The following MCM6 variants were observed in gnomAD, a reference collection of about 807,000 sequenced individuals.
MCM6 encodes the protein minichromosome maintenance complex component 6, also known as DNA replication licensing factor MCM6.
Under a neutral mutation model 94.3 loss-of-function variants are expected in MCM6, and 46 were observed. The observed-to-expected ratio is 0.49, with a 90% CI of 0.39 to 0.62. The LOEUF (loss-of-function observed/expected upper bound fraction) is 0.62. MCM6 is among the 20% of genes least tolerant of loss of function. MCM6 has a pLI of 0.00. For synonymous variants in MCM6, 335 were observed against 351.9 expected, an observed-to-expected ratio of 0.95 and a Z score of 0.54; for missense variants, 865 against 1,017.9, an observed-to-expected ratio of 0.85 and a Z score of 2.04.
intron 8 of MCM6, among the ~76,000 whole-genome samples, chr2:135,861,862 C>T (rs1322844057): frequency 5.9e-5 from 9 of 152,144 alleles, no homozygotes; most frequent in Non-Finnish European, 1.2e-4. Context: ...ATGATCCGCC[C>T]GCCTTGATTT....
At chr2:135,851,673 G>A in intron 12 of MCM6, 110 bp from the exon 13 acceptor site, 2 of 899,912 alleles carry the variant, frequency 2.2e-6, no homozygotes, top group Middle Eastern at 2.4e-4. Flanking sequence ...ACCTGAGAGG[G>A]TTGAAACTTT....
At chr2:135,859,568 C>T (rs1387280870) in intron 8 of MCM6, 126 bp from the exon 9 acceptor site, 5 of 592,054 alleles carry the variant, frequency 8.4e-6, no homozygotes, top group Admixed American at 3.5e-5. Flanking sequence ...CATGAAGACA[C>T]ATGCCACAGA....
intron 14 of MCM6, among the ~76,000 whole-genome samples, chr2:135,847,257 T>C (rs1258679391): frequency 6.6e-6 from 1 of 151,850 alleles, no homozygotes; most frequent in Non-Finnish European, 1.5e-5. Context: ...CTAGAAAAAA[T>C]TCTCAAAAAA....
chr2:135,862,014 A>G (rs369287584), intron 8 of MCM6, among the ~76,000 whole-genome samples: 1 of 152,196 alleles, frequency 6.6e-6, no homozygotes, highest in Non-Finnish European at 1.5e-5. Context: ...AAAAATGTAT[A>G]TAACATTATG....
intron 12 of MCM6, 138 bp downstream of exon 12, chr2:135,852,649 C>T: frequency 3.8e-6 from 2 of 526,234 alleles, no homozygotes; most frequent in Non-Finnish European, 6.0e-6. Flanking sequence ...AATTGCTGTT[C>T]CAGAAAAAAA....
Position 135,852,779 on chromosome 2 carries a change from T to A in MCM6, c.1755+8A>T. 6.4e-7 allele frequency: 1 copy of A among 1,565,350 alleles called. No individual in the cohort carries two copies. The highest frequency in any genetic ancestry group is 8.6e-7 in the Non-Finnish European group (1 of 1,157,430). ...TATACCTTATCCCAGTACAAAAGGG[T>A]AGGTTACCTTGGGTTTAAACTGTCT... On this transcript the variant is annotated splice_region_variant and intron_variant, in intron 12 of 16. Coordinates refer to ENST00000264156, the MANE Select transcript of MCM6 (RefSeq NM_005915.6).
rs201097529 is a variant in MCM6, at chr2:135,854,554, G to A, written c.1627-1639C>T. Among the ~76,000 whole-genome samples the A allele has an allele frequency of 4.9e-3, 373 of 75,592 alleles. 3 individuals are homozygous for A. Among genetic ancestry groups the A allele is most frequent in the Non-Finnish European group, 5.2e-3 (229 of 43,972 alleles). 49.6% of individuals were successfully genotyped at this position (75,592 alleles called of 152,430 possible). A position where few individuals can be genotyped will look rare whatever the true frequency, so the allele number is the denominator to read the frequency against. Reference sequence around the variant, plus strand: ...CAAAAAAAAAAAAAAAAAAAAAAGAGAAAAAGAAAAAGAAAAAGAAAAAGA... The same window carrying A: ...CAAAAAAAAAAAAAAAAAAAAAAGAAAAAAAGAAAAAGAAAAAGAAAAAGA... On this transcript the variant is annotated intron_variant, in intron 11 of 16. Transcript: ENST00000264156.
In MCM6 at chr2:135,848,182, G is replaced by A. The variant is rs1329164092; in HGVS notation, c.1924C>T (p.Pro642Ser). The A allele has an allele frequency of 1.9e-6, 3 of 1,609,266 alleles. No homozygotes were observed. The highest frequency in any genetic ancestry group is 1.7e-6 in the Non-Finnish European group (2 of 1,176,094). ...CGGAAAGCTTCCTTCACATGTTTAG[G>A]TTGGACCTAAACCAATAATGATGAA... ...ARMHCCDEVQPKHVKEAFRLL... is the reference protein window; with the variant it reads ...ARMHCCDEVQSKHVKEAFRLL... Residue 642 changes from proline to serine, a missense_variant, in exon 14 of 17, where the codon CCT (proline) becomes TCT (serine). Around this residue, in one of 3 missense-constraint regions of MCM6, gnomAD observed 308 missense variants for 324.5 expected, o/e 0.95. Transcript: ENST00000264156.
At chr2:135,841,600 T>G (rs1023966552) in intron 16 of MCM6, among the ~76,000 whole-genome samples, 4 of 152,168 alleles carry the variant, frequency 2.6e-5, no homozygotes, top group African/African-American at 9.7e-5. Flanking sequence ...CTGGCAAGGC[T>G]CCACAGTATA....
At chr2:135,869,803 C>A (rs1373708292) in intron 3 of MCM6, among the ~76,000 whole-genome samples, 1 of 152,096 alleles carries the variant, frequency 6.6e-6, no homozygotes, top group Non-Finnish European at 1.5e-5. Flanking sequence ...ATGTGATAAT[C>A]CTAAAAATTT....
intron 16 of MCM6, among the ~76,000 whole-genome samples, chr2:135,842,665 A>G (rs1031957143): frequency 6.6e-6 from 1 of 152,136 alleles, no homozygotes; most frequent in African/African-American, 2.4e-5. Context: ...GCAGGCTAGC[A>G]AGAAAGGTTT....
intron 11 of MCM6, among the ~76,000 whole-genome samples, chr2:135,855,346 G>C (rs566630572): frequency 6.6e-6 from 1 of 152,046 alleles, no homozygotes; most frequent in African/African-American, 2.4e-5. Flanking sequence ...CTCTTGTGAA[G>C]GGAAAAAAAG....
At chr2:135,858,100 A>G in intron 9 of MCM6, 96 bp from the exon 10 acceptor site, 2 of 1,084,340 alleles carry the variant, frequency 1.8e-6, no homozygotes, top group Non-Finnish European at 2.8e-6. Context: ...CAAGGCAGGA[A>G]GAACGCTTCA....
intron 16 of MCM6, among the ~76,000 whole-genome samples, chr2:135,843,741 A>C (rs1483337938): frequency 6.6e-6 from 1 of 151,808 alleles, no homozygotes; most frequent in Non-Finnish European, 1.5e-5. Context: ...AAAAAAAAAA[A>C]AAAAAAACAA....
chr2:135,851,064 T>C (rs537733116), intron 13 of MCM6, among the ~76,000 whole-genome samples: 11 of 152,218 alleles, frequency 7.2e-5, no homozygotes, highest in Non-Finnish European at 1.3e-4. Flanking sequence ...GAGAGTTCCT[T>C]TGAGGCCAGG....
chr2:135,854,370 A>G (rs1228303786), intron 11 of MCM6, among the ~76,000 whole-genome samples: 1 of 151,764 alleles, frequency 6.6e-6, no homozygotes, highest in African/African-American at 2.4e-5. Context: ...TCTCTACTAA[A>G]AATACAAAAA....
intron 16 of MCM6, among the ~76,000 whole-genome samples, chr2:135,842,283 A>G (rs1479270077): frequency 6.6e-6 from 1 of 152,154 alleles, no homozygotes; most frequent in Admixed American, 6.5e-5. Context: ...CCCTGATCTG[A>G]GTAGCTGTTC....
chr2:135,875,618 G>C (rs1680279907), intron 1 of MCM6, among the ~76,000 whole-genome samples: 1 of 152,132 alleles, frequency 6.6e-6, no homozygotes, highest in Non-Finnish European at 1.5e-5. Flanking sequence ...ATGAAGCTAG[G>C]AGCCCAGAGG....
rs1220769966 is a variant in MCM6, at chr2:135,856,736, A to G, written c.1618T>C (p.Cys540Arg). 3 of 1,613,908 alleles carry G rather than the reference A, an allele frequency of 1.9e-6. No individual in the cohort carries two copies. The highest frequency in any genetic ancestry group is 2.5e-6 in the Non-Finnish European group (3 of 1,179,990). Reference sequence around the variant, plus strand: ...GAAGCTCATGGGGTTACCTCATTACATTCATCCACAAGGATAAAGAAGAGA... The same window carrying G: ...GAAGCTCATGGGGTTACCTCATTACGTTCATCCACAAGGATAAAGAAGAGA... Reference protein sequence around the residue: ...FDLFFILVDECNEVTDYAIAR... With the variant: ...FDLFFILVDERNEVTDYAIAR... Residue 540 changes from cysteine (C) to arginine (R), a missense_variant, in exon 11 of 17, where the codon TGT becomes CGT. Physicochemically the swap from Cys to Arg is radical, Grantham distance 180. This residue lies in a region of MCM6 where 153 missense variants were observed against 241.5 expected (regional missense o/e 0.63). Coordinates refer to ENST00000264156, the MANE Select transcript of MCM6 (RefSeq NM_005915.6).
Sources: allele counts gnomAD v4.1 joint callset (sites outside exome capture counted in the v4.1 genomes callset), GRCh38; gene constraint gnomAD v4.1.1; regional missense constraint gnomAD v4.1.1; transcripts MANE v1.5; gene names NCBI Gene and HGNC (gene_info 2026-07-23, HGNC 2026-07-21).